Variants in DIAPH3 observed in about 807,000 individuals in gnomAD.
The protein encoded by DIAPH3 is protein diaphanous homolog 3.
Under a neutral mutation model 144.3 loss-of-function variants are expected in DIAPH3, and 117 were observed. The observed-to-expected ratio is 0.81, with a 90% CI of 0.70 to 0.95. The LOEUF (loss-of-function observed/expected upper bound fraction) is 0.95. Among genes scored for constraint, DIAPH3 ranks in the 40% least tolerant of loss-of-function variants. DIAPH3 has a pLI of 0.00. For missense variants in DIAPH3, 1,421 were observed against 1,412.7 expected, an observed-to-expected ratio of 1.01 and a Z score of -0.09; for synonymous variants, 519 against 488.9, an observed-to-expected ratio of 1.06 and a Z score of -0.81.
At chr13:59,936,021 T>C (rs1176807700) in intron 17 of DIAPH3, among the ~76,000 whole-genome samples, 1 of 152,182 alleles carries the variant, frequency 6.6e-6, no homozygotes, top group African/African-American at 2.4e-5. Context: ...ACAAACAGTC[T>C]TGAAGGTCTT....
chr13:60,051,675 T>TAG (rs1235695525), intron 4 of DIAPH3, among the ~76,000 whole-genome samples: 209 of 152,148 alleles, frequency 1.4e-3, no homozygotes, highest in African/African-American at 4.5e-3. Flanking sequence ...TGCCCTACTA[T>TAG]ACAAGGGGAG....
At chr13:59,810,052 G>A (rs917600624) in intron 25 of DIAPH3, among the ~76,000 whole-genome samples, 7 of 151,828 alleles carry the variant, frequency 4.6e-5, no homozygotes, top group Admixed American at 3.9e-4. Context: ...ATATGTTTCT[G>A]TAAAATTTCA....
At chr13:60,059,499 T>G (rs2056683985) in intron 4 of DIAPH3, among the ~76,000 whole-genome samples, 1 of 152,080 alleles carries the variant, frequency 6.6e-6, no homozygotes, top group African/African-American at 2.4e-5. Context: ...ACATACCACT[T>G]AAAATACTTT....
chr13:59,768,596 G>A (rs2037969009), intron 27 of DIAPH3, among the ~76,000 whole-genome samples: 1 of 152,014 alleles, frequency 6.6e-6, no homozygotes, highest in Admixed American at 6.6e-5. Context: ...GGGAGGGGTG[G>A]CTATATATGA....
In DIAPH3 at chr13:59,992,475, G is replaced by C; in HGVS notation, c.1123C>G (p.Pro375Ala). 1 of 1,609,412 alleles carries C rather than the reference G, an allele frequency of 6.2e-7. No homozygotes were observed. Among genetic ancestry groups the C allele is most frequent in the Non-Finnish European group, 8.5e-7 (1 of 1,177,354 alleles). The change falls in exon 10 of 28, where the codon CCA (proline) becomes GCA (alanine). Residue 375 changes from proline (P) to alanine (A), a missense_variant and splice_region_variant. Physicochemically the swap from Pro to Ala is conservative, Grantham distance 27. Transcript: ENST00000400324. Reference sequence around the variant, plus strand: ...TAAGGAGACTGCAGGGCACTTACTGGCAATATCTCTTTCAATCCACAACGC... The same window carrying C: ...TAAGGAGACTGCAGGGCACTTACTGCCAATATCTCTTTCAATCCACAACGC... ...FMRCGLKEIL[P>A]NLKCIKNDGL...
At chr13:59,976,302 A>T (rs339535) in intron 14 of DIAPH3, among the ~76,000 whole-genome samples, 46,517 of 151,696 alleles carry the variant, frequency 0.31, 8,073 homozygotes, top group African/African-American at 0.47. Flanking sequence ...ATCTTAGGTG[A>T]TCTCTCTAGG....
At chr13:59,929,522 C>G (rs1450438649) in intron 17 of DIAPH3, among the ~76,000 whole-genome samples, 1 of 135,100 alleles carries the variant, frequency 7.4e-6, no homozygotes, top group Non-Finnish European at 1.6e-5. Flanking sequence ...ATTGGCTGTT[C>G]AAATTATTTT....
At chr13:59,708,410 C>T (rs2034546893) in intron 27 of DIAPH3, among the ~76,000 whole-genome samples, 3 of 152,116 alleles carry the variant, frequency 2.0e-5, no homozygotes, top group African/African-American at 7.2e-5. Context: ...TTGTCCCTAC[C>T]ACTGCACTAA....
chr13:59,964,367 T>C (rs1485911487), intron 17 of DIAPH3, among the ~76,000 whole-genome samples: 1 of 152,004 alleles, frequency 6.6e-6, no homozygotes, highest in Non-Finnish European at 1.5e-5. Flanking sequence ...TGTATGTACA[T>C]ACACACACCA....
chr13:59,919,162 GAA>G (rs1181596523), intron 18 of DIAPH3, among the ~76,000 whole-genome samples: 2 of 152,044 alleles, frequency 1.3e-5, no homozygotes, highest in East Asian at 3.9e-4. Context: ...AAGGAATGAA[GAA>G]AACGTGAAAT....
At chr13:59,832,733 C>G (rs761513777) in intron 24 of DIAPH3, among the ~76,000 whole-genome samples, 2 of 151,754 alleles carry the variant, frequency 1.3e-5, no homozygotes, top group Non-Finnish European at 2.9e-5. Flanking sequence ...AAAAGCCTTA[C>G]AAAAGCTGCA....
Position 60,010,525 on chromosome 13 carries a change from A to G in DIAPH3, c.908+8T>C. On this transcript the variant is annotated splice_region_variant and intron_variant, in intron 8 of 27. Transcript: ENST00000400324. ...ATATAATTAGGGGAATATGTTGATA[A>G]CACTTACATGCTTTCTTCCCCTACA... 1 of 1,572,008 alleles carries G rather than the reference A, an allele frequency of 6.4e-7. No individual in the cohort carries two copies. Among genetic ancestry groups the G allele is most frequent in the East Asian group, 2.3e-5 (1 of 42,852 alleles).
rs922887107 is a variant in DIAPH3 at position 59,738,107 on chromosome 13, C to T, written c.3319+36082G>A. On this transcript the variant is annotated intron_variant, in intron 27 of 27. Coordinates refer to ENST00000400324, the MANE Select transcript of DIAPH3 (RefSeq NM_001042517.2). Reference sequence around the variant, plus strand: ...GCGTGAACCTGGTGAAGGGAGGCTGCAGTGAGCTGAGATCACGCCACTGCA... The same window carrying T: ...GCGTGAACCTGGTGAAGGGAGGCTGTAGTGAGCTGAGATCACGCCACTGCA... 3.3e-5 allele frequency among the ~76,000 whole-genome samples: 5 copies of T among 152,206 alleles called. No homozygotes were observed. In the East Asian group the frequency reaches 9.6e-4, roughly 29 times the overall value.
At chr13:59,955,020 C>T (rs760291279) in intron 17 of DIAPH3, among the ~76,000 whole-genome samples, 23 of 151,074 alleles carry the variant, frequency 1.5e-4, no homozygotes, top group African/African-American at 4.9e-4. Flanking sequence ...AATAATCCAA[C>T]GATTACTCAA....
intron 24 of DIAPH3, among the ~76,000 whole-genome samples, chr13:59,829,406 G>C (rs745597926): frequency 1.1e-4 from 17 of 151,870 alleles, no homozygotes; most frequent in Non-Finnish European, 2.2e-4. Flanking sequence ...GGTATAGACT[G>C]TGGAGCCAGA....
intron 27 of DIAPH3, among the ~76,000 whole-genome samples, chr13:59,667,769 G>C (rs1443757231): frequency 6.6e-6 from 1 of 152,156 alleles, no homozygotes; most frequent in Non-Finnish European, 1.5e-5. Flanking sequence ...GCTTGAAAAT[G>C]GCTTCAACAA....
intron 2 of DIAPH3, among the ~76,000 whole-genome samples, chr13:60,119,746 CAAAAAAAAAAAAA>C (rs34356415): frequency 1.2e-4 from 6 of 49,532 alleles, no homozygotes; most frequent in Non-Finnish European, 1.7e-4. Context: ...GACTCCGTCT[CAAAAAAAAAAAAA>C]AAAAAAAAAA....
chr13:60,158,915 A>AAAAC, intron 1 of DIAPH3, among the ~76,000 whole-genome samples: 1 of 151,188 alleles, frequency 6.6e-6, no homozygotes. Flanking sequence ...TTAAAAAAAA[A>AAAAC]AAAAAAAAAA....
At chr13:59,795,455 CTTTT>C (rs1233674128) in intron 25 of DIAPH3, among the ~76,000 whole-genome samples, 2 of 136,866 alleles carry the variant, frequency 1.5e-5, no homozygotes. Flanking sequence ...TTCTCTCTCT[CTTTT>C]TTTTTTTTTT....
Sources: allele counts gnomAD v4.1 joint callset (sites outside exome capture counted in the v4.1 genomes callset), GRCh38; gene constraint gnomAD v4.1.1; transcripts MANE v1.5; gene names NCBI Gene and HGNC (gene_info 2026-07-23, HGNC 2026-07-21).